Variants in SYNPR observed in about 807,000 individuals in gnomAD.
SYNPR encodes the protein synaptoporin.
A neutral mutation model predicts 32.9 loss-of-function variants in SYNPR; 23 were observed. The ratio of observed to expected loss-of-function variants is 0.70; its 90% CI spans 0.50 to 0.99. The LOEUF is 0.99. SYNPR is among the 50% of genes least tolerant of loss of function. SYNPR has a pLI of 0.00. For missense variants in SYNPR, 318 were observed against 349.3 expected (o/e 0.91, Z 0.71); for synonymous variants, 146 against 135.9 (o/e 1.07, Z -0.52).
chr3:63,382,040 T>C (rs187469854), intron 2 of SYNPR, among the ~76,000 whole-genome samples: 1 of 152,364 alleles, frequency 6.6e-6, no homozygotes, highest in East Asian at 1.9e-4. Context: ...TAAACATTTC[T>C]TTTAAATACA....
intron 4 of SYNPR, among the ~76,000 whole-genome samples, chr3:63,607,262 C>T (rs894088549): frequency 1.3e-5 from 2 of 152,160 alleles, no homozygotes; most frequent in Non-Finnish European, 1.5e-5. Context: ...CAATACTCAG[C>T]ACATTACTCA....
At chr3:63,418,098 C>T (rs1412059433) in intron 2 of SYNPR, among the ~76,000 whole-genome samples, 3 of 152,182 alleles carry the variant, frequency 2.0e-5, no homozygotes, top group African/African-American at 7.2e-5. Flanking sequence ...CCTTATGAAA[C>T]TGACTGGCTT....
chr3:63,356,169 C>T (rs564513078), intron 2 of SYNPR, among the ~76,000 whole-genome samples: 10 of 152,308 alleles, frequency 6.6e-5, no homozygotes, highest in African/African-American at 1.9e-4. Context: ...TGTGGAAGTC[C>T]AGAAGCTCCA....
chr3:63,585,505 C>T (rs1459050154), intron 4 of SYNPR, among the ~76,000 whole-genome samples: 1 of 151,056 alleles, frequency 6.6e-6, no homozygotes, highest in Non-Finnish European at 1.5e-5. Flanking sequence ...AACAACACAA[C>T]ATTTTGGGGG....
Position 63,449,522 on chromosome 3 carries a change from C to T in SYNPR, c.85-31310C>T, listed in dbSNP as rs139722872. On this transcript the variant is annotated intron_variant, in intron 2 of 5. Coordinates refer to ENST00000478300, the MANE Select transcript of SYNPR (RefSeq NM_001130003.2). Reference sequence around the variant, plus strand: ...GTCAGTAGCAATCTCCCCACCCAACCCCCAGGTTGTGACAACCAAAATTAC... The same window carrying T: ...GTCAGTAGCAATCTCCCCACCCAACTCCCAGGTTGTGACAACCAAAATTAC... 7.4e-4 allele frequency among the ~76,000 whole-genome samples: 112 copies of T among 152,254 alleles called. No homozygotes were observed. The Middle Eastern group carries it at 0.027, about 37-fold the overall frequency.
chr3:63,592,001 A>C (rs551757893), intron 4 of SYNPR, among the ~76,000 whole-genome samples: 1 of 151,928 alleles, frequency 6.6e-6, no homozygotes, highest in African/African-American at 2.4e-5. Flanking sequence ...GTCTTTGCAG[A>C]TGTAATTCAG....
At chr3:63,381,867 C>T (rs1365271216) in intron 2 of SYNPR, among the ~76,000 whole-genome samples, 1 of 152,136 alleles carries the variant, frequency 6.6e-6, no homozygotes, top group East Asian at 1.9e-4. Flanking sequence ...TACACTAATG[C>T]TTTTAAGTGT....
At chr3:63,426,194 G>C (rs142071536) in intron 2 of SYNPR, among the ~76,000 whole-genome samples, 26 of 152,312 alleles carry the variant, frequency 1.7e-4, no homozygotes, top group African/African-American at 6.0e-4. Flanking sequence ...GAAGCTGAGT[G>C]ATTTTCCAAG....
chr3:63,389,168 C>T (rs888425388), intron 2 of SYNPR, among the ~76,000 whole-genome samples: 3 of 152,150 alleles, frequency 2.0e-5, no homozygotes, highest in African/African-American at 7.2e-5. Context: ...TTGTAACAAA[C>T]TTGCACATCC....
intron 2 of SYNPR, 109 bp from the exon 3 acceptor site, chr3:63,480,723 G>A: frequency 7.2e-7 from 1 of 1,396,770 alleles, no homozygotes. Context: ...CTCTTCTTCA[G>A]AAGGACCATA....
At chr3:63,579,105 C>T (rs564316349) in intron 4 of SYNPR, among the ~76,000 whole-genome samples, 2 of 152,246 alleles carry the variant, frequency 1.3e-5, no homozygotes, top group African/African-American at 4.8e-5. Context: ...TGGTTTTCTC[C>T]TTCCCTCAAA....
chr3:63,293,580 C>A lies in SYNPR; in HGVS notation c.84+14838C>A, dbSNP rs2086763297. On this transcript the variant is annotated intron_variant, in intron 2 of 5. Transcript: ENST00000478300. ...AGACTTACAAACTAAGTAGCTTAAA[C>A]AACAGAAATGTATTTTCTCACAGTT... Among the ~76,000 whole-genome samples the A allele has an allele frequency of 2.6e-5, 4 of 152,154 alleles. 1 individual carries two copies. The highest frequency in any genetic ancestry group is 2.6e-4 in the Admixed American group (4 of 15,266).
intron 2 of SYNPR, among the ~76,000 whole-genome samples, chr3:63,473,393 T>A (rs1165635805): frequency 6.6e-6 from 1 of 152,148 alleles, no homozygotes; most frequent in African/African-American, 2.4e-5. Context: ...TATTGATTGA[T>A]TGATTGATTG....
At chr3:63,233,700 A>C (rs2086181593) in intron 1 of SYNPR, among the ~76,000 whole-genome samples, 1 of 141,472 alleles carries the variant, frequency 7.1e-6, no homozygotes, top group African/African-American at 2.5e-5. Context: ...CGTAAACTTG[A>C]GATAAATGAC....
intron 3 of SYNPR, among the ~76,000 whole-genome samples, chr3:63,548,205 C>T (rs1333423133): frequency 1.3e-5 from 2 of 152,100 alleles, no homozygotes; most frequent in Non-Finnish European, 2.9e-5. Context: ...ATGGAGAAGT[C>T]AGTGGCTTGG....
intron 2 of SYNPR, chr3:63,330,143 C>G (rs986598530): frequency 1.4e-4 from 22 of 152,228 alleles, no homozygotes; most frequent in Middle Eastern, 3.4e-3. Flanking sequence ...CCCTCAGGAG[C>G]CTTTTCTCCA....
chr3:63,529,065 G>T lies in SYNPR; in HGVS notation c.210-27478G>T, dbSNP rs143531179. Among the ~76,000 whole-genome samples the T allele has an allele frequency of 3.9e-3, 593 of 152,250 alleles. 1 individual carries two copies. Among genetic ancestry groups the T allele is most frequent in the African/African-American group, 0.013 (551 of 41,552 alleles). On this transcript the variant is annotated intron_variant, in intron 3 of 5. Coordinates refer to ENST00000478300, the MANE Select transcript of SYNPR (RefSeq NM_001130003.2). ...GCCCACAGTGGGCGATACAAAGTTT[G>T]ATCACTAGCTTGCCTGACTCTAGGG... is the stretch of plus-strand genomic sequence containing the variant.
At chr3:63,241,877 AG>A (rs1268893769) in intron 1 of SYNPR, among the ~76,000 whole-genome samples, 1 of 152,132 alleles carries the variant, frequency 6.6e-6, no homozygotes, top group Non-Finnish European at 1.5e-5. Flanking sequence ...AAATTTAAAA[AG>A]TTTTTGGATC....
At chr3:63,286,836 A>G (rs2086688687) in intron 2 of SYNPR, among the ~76,000 whole-genome samples, 1 of 152,242 alleles carries the variant, frequency 6.6e-6, no homozygotes, top group African/African-American at 2.4e-5. Flanking sequence ...GAGATCAAGC[A>G]TGAAAAAGTG....
Sources: allele counts gnomAD v4.1 joint callset (sites outside exome capture counted in the v4.1 genomes callset), GRCh38; gene constraint gnomAD v4.1.1; transcripts MANE v1.5; gene names NCBI Gene and HGNC (gene_info 2026-07-23, HGNC 2026-07-21).